The following RIN1 variants were observed in gnomAD, a reference collection of about 807,000 sequenced individuals.
RIN1 encodes ras inhibitor 1.
Under a neutral mutation model 64.9 loss-of-function variants are expected in RIN1, and 52 were observed. The observed-to-expected ratio is 0.80, with a 90% CI of 0.64 to 1.01. The LOEUF is 1.01. Ranked by LOEUF, RIN1 falls within the 50% of genes least tolerant of loss-of-function variation. RIN1 has a pLI of 0.00. For missense variants in RIN1, 1,040 were observed against 1,064.5 expected, an observed-to-expected ratio of 0.98 and a Z score of 0.32; for synonymous variants, 486 against 483.6, an observed-to-expected ratio of 1.00 and a Z score of -0.06.
chr11:66,334,502 A>T lies in RIN1; in HGVS notation c.1285+12T>A, dbSNP rs58837316. 1.3e-5 allele frequency: 20 copies of T among 1,595,082 alleles called. No individual in the cohort carries two copies. In the South Asian group the frequency reaches 1.5e-4, roughly 12 times the overall value. On this transcript the variant is annotated intron_variant, in intron 6 of 9. Coordinates refer to ENST00000311320, the MANE Select transcript of RIN1 (RefSeq NM_004292.3). ...GGGGCAGTGCTGGAGCTATGGAGAG[A>T]CGGAGCCTCACCCAGCCTCTTAGGC...
Position 66,334,729 on chromosome 11 carries a change from A to G in RIN1, c.1070T>C (p.Leu357Pro), listed in dbSNP as rs1193462618. 6.5e-7 allele frequency: 1 copy of G among 1,549,388 alleles called. No individual in the cohort carries two copies. Among genetic ancestry groups the G allele is most frequent in the Non-Finnish European group, 8.7e-7 (1 of 1,147,510 alleles). Residue 357 changes from leucine (L) to proline (P), a missense_variant, in exon 6 of 10, where the codon CTA becomes CCA. By Grantham distance (98) the Leu-to-Pro change is moderately conservative. Coordinates refer to ENST00000311320, the MANE Select transcript of RIN1 (RefSeq NM_004292.3). The part of the protein sequence containing the change: ...LRSMSAAFCS[L>P]LAPERQVGRA... ...GCCCACCTGCCGCTCCGGTGCCAGT[A>G]GGGAGCAGAAGGCGGCGCTCATGGA...
At position 66,331,857 on chromosome 11, in the gene RIN1, AGG is replaced by A; in HGVS notation, c.*417_*418del. The A allele has an allele frequency of 4.4e-6, 1 of 226,010 alleles. No homozygotes were observed. Among genetic ancestry groups the A allele is most frequent in the Non-Finnish European group, 8.8e-6 (1 of 113,962 alleles). 14.0% of individuals were successfully genotyped at this position (226,010 alleles called of 1,614,324 possible). On this transcript the variant is annotated 3_prime_UTR_variant, in exon 10 of 10. Transcript: ENST00000311320. ...CACCTAAGAGCCATTGGAACCTTTT[AGG>A]GTCTGGAAGTCCCAGCCTGGTGGGA...
At chr11:66,332,842 C>T (rs1350900672) in intron 9 of RIN1, 90 bp from the exon 10 acceptor site, 3 of 1,004,864 alleles carry the variant, frequency 3.0e-6, no homozygotes, top group Non-Finnish European at 2.9e-6. Flanking sequence ...CTGGGCTGTG[C>T]AGGGACAGGG....
Position 66,330,383 on chromosome 11 carries a change from G to C in RIN1, c.*1893C>G, listed in dbSNP as rs1202150208. On this transcript the variant is annotated 3_prime_UTR_variant, in exon 10 of 10. Coordinates refer to ENST00000311320, the MANE Select transcript of RIN1 (RefSeq NM_004292.3). Reference sequence around the variant, plus strand: ...CTATCAGCGAGAACCTTGGGAGGGCGTGGAAGTGGGGAGGGAAGAGCTGCT... The same window carrying C: ...CTATCAGCGAGAACCTTGGGAGGGCCTGGAAGTGGGGAGGGAAGAGCTGCT... The C allele has an allele frequency of 1.3e-5, 2 of 152,150 alleles. No individual in the cohort carries two copies. Among genetic ancestry groups the C allele is most frequent in the African/African-American group, 4.8e-5 (2 of 41,376 alleles). The allele number at this position is 152,150 out of a possible 1,614,324, so 9.4% of individuals were successfully genotyped here.
Position 66,334,502 on chromosome 11 carries a change from A to G in RIN1, c.1285+12T>C. On this transcript the variant is annotated intron_variant, in intron 6 of 9. Transcript: ENST00000311320. ...GGGGCAGTGCTGGAGCTATGGAGAG[A>G]CGGAGCCTCACCCAGCCTCTTAGGC... is the stretch of plus-strand genomic sequence containing the variant. 6.3e-7 allele frequency: 1 copy of G among 1,595,082 alleles called. No individual in the cohort carries two copies. The highest frequency in any genetic ancestry group is 8.5e-7 in the Non-Finnish European group (1 of 1,172,540).
chr11:66,335,736 C>G, intron 3 of RIN1, 26 bp downstream of exon 3: 3 of 1,612,186 alleles, frequency 1.9e-6, no homozygotes, highest in Non-Finnish European at 2.5e-6. Context: ...TGCTTCCAGC[C>G]CCTTCCCGCC....
rs553352668 is a variant in RIN1, at chr11:66,334,251, G to A, written c.1286-27C>T. On this transcript the variant is annotated intron_variant, in intron 6 of 9. Coordinates refer to ENST00000311320, the MANE Select transcript of RIN1 (RefSeq NM_004292.3). ...TGCCGGAGGGACAGGGAGGGGTCAG[G>A]GGAAGACTGGGGGTATGGGGGGCAG... The A allele has an allele frequency of 3.1e-4, 442 of 1,426,108 alleles. 11 individuals are homozygous for A. In the South Asian group the frequency reaches 5.7e-3, roughly 18 times the overall value. The allele number at this position is 1,426,108 out of a possible 1,614,324, so 88.3% of individuals were successfully genotyped here.
chr11:66,334,397 T>C (rs1422802285), intron 6 of RIN1, 117 bp downstream of exon 6: 3 of 1,404,374 alleles, frequency 2.1e-6, no homozygotes, highest in Non-Finnish European at 2.9e-6. Context: ...TCTCGAACAG[T>C]GGTAAGACAA....
At position 66,335,795 on chromosome 11, in the gene RIN1, CGAA is replaced by C. The variant is rs1565202523; in HGVS notation, c.346_348del (p.Phe116del). On this transcript the variant is annotated inframe_deletion, in exon 3 of 10. Transcript: ENST00000311320. ...CTCTCCAGGATGTAGTGGCTGGAGA[CGAA>C]GGAGGGGCCACTGGCTTCAGGCAAC... 2.5e-6 allele frequency: 4 copies of C among 1,610,710 alleles called. No homozygotes were observed. Among genetic ancestry groups the C allele is most frequent in the Admixed American group, 1.7e-5 (1 of 59,856 alleles).
In RIN1 at chr11:66,335,461, T is replaced by C; in HGVS notation, c.493A>G (p.Ile165Val). 3 of 1,613,756 alleles carry C rather than the reference T, an allele frequency of 1.9e-6. No individual in the cohort carries two copies. The highest frequency in any genetic ancestry group is 2.5e-6 in the Non-Finnish European group (3 of 1,179,778). Residue 165 changes from isoleucine to valine, a missense_variant, in exon 5 of 10, where the codon ATC becomes GTC. Physicochemically the swap from Ile to Val is conservative, Grantham distance 29. Coordinates refer to ENST00000311320, the MANE Select transcript of RIN1 (RefSeq NM_004292.3). ...TCTTTGTGAGTGGCTGCGTGGTGGA[T>C]GGCTCTGGGGAGCTGCAGCGGGAGG... The part of the protein sequence containing the change: ...LLLPLQLPRA[I>V]HHAATHKELE...
At chr11:66,333,191 C>A in intron 9 of RIN1, 67 bp downstream of exon 9, 1 of 1,578,204 alleles carries the variant, frequency 6.3e-7, no homozygotes, top group Non-Finnish European at 8.6e-7. Context: ...GGACTCTTCA[C>A]CAAGGACAGG....
Position 66,336,043 on chromosome 11 carries a change from C to G in RIN1, c.202G>C (p.Val68Leu), listed in dbSNP as rs377463353. 10 of 1,466,920 alleles carry G rather than the reference C, an allele frequency of 6.8e-6. No individual in the cohort carries two copies. In the East Asian group the frequency reaches 2.5e-4, roughly 36 times the overall value. The allele number at this position is 1,466,920 out of a possible 1,614,324, so 90.9% of individuals were successfully genotyped here. The change falls in exon 2 of 10, where the codon GTG (valine) becomes CTG (leucine). Residue 68 changes from valine (V) to leucine (L), a missense_variant. By Grantham distance (32) the Val-to-Leu change is conservative. Transcript: ENST00000311320. ...GCGTTGGCTTGCAGCTGCAGCCACA[C>G]GGGCCGGGTGAGCAGCAGGCGCTCC... Reference protein sequence around the residue: ...LRERLLLTRPVWLQLQANAAA... With the variant: ...LRERLLLTRPLWLQLQANAAA...
chr11:66,335,582 A>C, intron 4 of RIN1, 28 bp downstream of exon 4: 1 of 1,612,852 alleles, frequency 6.2e-7, no homozygotes, highest in African/African-American at 1.3e-5. Context: ...GGGCCCGTGG[A>C]CACCAGGCAC....
chr11:66,335,571 A>G, intron 4 of RIN1, 39 bp downstream of exon 4: 1 of 1,611,896 alleles, frequency 6.2e-7, no homozygotes, highest in Non-Finnish European at 8.5e-7. Context: ...CCCAAGGAGC[A>G]GGGCCCGTGG....
intron 8 of RIN1, 32 bp from the exon 9 acceptor site, chr11:66,333,441 G>T (rs1854787851): frequency 6.2e-7 from 1 of 1,604,380 alleles, no homozygotes; most frequent in South Asian, 1.1e-5. Context: ...CACGGCTCAG[G>T]CTGGGTGTGG....
Position 66,332,508 on chromosome 11 carries a change from G to A in RIN1, c.2120C>T (p.Pro707Leu), listed in dbSNP as rs764495088. 4.3e-6 allele frequency: 7 copies of A among 1,613,934 alleles called. No individual in the cohort carries two copies. Among genetic ancestry groups the A allele is most frequent in the South Asian group, 1.1e-5 (1 of 91,088 alleles). The stretch of plus-strand genomic sequence containing the variant: ...CTCTGTCACAGCCCCCTGGGTCTCA[G>A]GCCACTCCGCCCGGCGGTAGACGAG... ...GYLVYRRAEW[P>L]ETQGAVTEEE... Residue 707 changes from proline (P) to leucine (L), a missense_variant, in exon 10 of 10, where the codon CCT becomes CTT. Pro to Leu is a moderately conservative substitution (Grantham distance 98, BLOSUM62 -3). Coordinates refer to ENST00000311320, the MANE Select transcript of RIN1 (RefSeq NM_004292.3).
In RIN1 at chr11:66,336,313, T is replaced by C. The variant is rs1474181911; in HGVS notation, c.86+4A>G. On this transcript the variant is annotated splice_donor_region_variant and intron_variant, in intron 1 of 9. Coordinates refer to ENST00000311320, the MANE Select transcript of RIN1 (RefSeq NM_004292.3). Reference sequence around the variant, plus strand: ...CACCTGGCTGCCCTGCCAACTTCACTAACTTTTCTCTCGCCAGGTGCCCAG... The same window carrying C: ...CACCTGGCTGCCCTGCCAACTTCACCAACTTTTCTCTCGCCAGGTGCCCAG... 6.2e-7 allele frequency: 1 copy of C among 1,611,846 alleles called. No individual in the cohort carries two copies. The highest frequency in any genetic ancestry group is 8.5e-7 in the Non-Finnish European group (1 of 1,179,052).
chr11:66,334,517 G>C lies in RIN1; in HGVS notation c.1282C>G (p.Leu428Val), dbSNP rs1164548741. 1 of 1,596,340 alleles carries C rather than the reference G, an allele frequency of 6.3e-7. No homozygotes were observed. The highest frequency in any genetic ancestry group is 1.1e-5 in the South Asian group (1 of 87,720). Residue 428 changes from leucine (L) to valine (V), a missense_variant, in exon 6 of 10, where the codon CTG (leucine) becomes GTG (valine). By Grantham distance (32) the Leu-to-Val change is conservative (BLOSUM62 1). Transcript: ENST00000311320. ...CTATGGAGAGACGGAGCCTCACCCA[G>C]CCTCTTAGGCGACAGCAGCTTCTCA... ...GPEKLLSPKR[L>V]EHVLEKSLHC...
rs1385584537 is a variant in RIN1, at chr11:66,335,455, G to A, written c.499C>T (p.His167Tyr). 1 of 1,613,812 alleles carries A rather than the reference G, an allele frequency of 6.2e-7. No homozygotes were observed. Among genetic ancestry groups the A allele is most frequent in the African/African-American group, 1.3e-5 (1 of 75,048 alleles). The change falls in exon 5 of 10, where the codon CAC (histidine) becomes TAC (tyrosine). Residue 167 changes from histidine to tyrosine, a missense_variant. Coordinates refer to ENST00000311320, the MANE Select transcript of RIN1 (RefSeq NM_004292.3). ...LPLQLPRAIH[H>Y]AATHKELEAI... ...TCCAGCTCTTTGTGAGTGGCTGCGT[G>A]GTGGATGGCTCTGGGGAGCTGCAGC... is the stretch of plus-strand genomic sequence containing the variant.
Sources: gnomAD v4.1 joint callset for allele counts on GRCh38, gnomAD v4.1.1 for gene constraint, MANE v1.5 for transcripts, NCBI Gene and HGNC (gene_info 2026-07-23, HGNC 2026-07-21) for gene names.